GCC2: variants seen among roughly 807,000 people sequenced by gnomAD.
The protein encoded by GCC2 is GRIP and coiled-coil domain-containing protein 2.
In GCC2, 120 loss-of-function variants were observed where a neutral mutation model predicts 210.6. The observed-to-expected ratio is 0.57, with a 90% CI of 0.49 to 0.66. The LOEUF is 0.66. GCC2 is among the 30% of genes least tolerant of loss of function. GCC2 has a pLI of 0.00. For missense variants in GCC2, 1,868 were observed against 1,871.9 expected, an observed-to-expected ratio of 1.00 and a Z score of 0.04; for synonymous variants, 703 against 652.7, an observed-to-expected ratio of 1.08 and a Z score of -1.17.
intron 21 of GCC2, among the ~76,000 whole-genome samples, chr2:108,497,694 A>G (rs1415257707): frequency 1.3e-5 from 2 of 152,130 alleles, no homozygotes; most frequent in Non-Finnish European, 2.9e-5. Flanking sequence ...GACACCAGAA[A>G]CATCTAGGAA....
intron 4 of GCC2, among the ~76,000 whole-genome samples, chr2:108,456,013 C>T (rs1680255377): frequency 6.6e-6 from 1 of 152,052 alleles, no homozygotes; most frequent in Non-Finnish European, 1.5e-5. Context: ...GAGACGGAGT[C>T]TTGCTCTGTC....
At chr2:108,476,056 T>A (rs890570374) in intron 9 of GCC2, among the ~76,000 whole-genome samples, 3 of 71,822 alleles carry the variant, frequency 4.2e-5, no homozygotes. Context: ...GTGGCTTGCT[T>A]TTTTTTTTTT....
intron 9 of GCC2, among the ~76,000 whole-genome samples, chr2:108,479,025 C>T (rs540010429): frequency 9.2e-5 from 14 of 151,988 alleles, no homozygotes; most frequent in Middle Eastern, 3.2e-3. Flanking sequence ...AACCCCATCT[C>T]TACTAAAAAA....
At chr2:108,467,821 A>G (rs2718711) in intron 4 of GCC2, among the ~76,000 whole-genome samples, 34,001 of 152,052 alleles carry the variant, frequency 0.22, 4,211 homozygotes, top group African/African-American at 0.32. Context: ...TATTTTGTCT[A>G]AACGAGTTTG....
intron 22 of GCC2, among the ~76,000 whole-genome samples, chr2:108,503,418 C>A (rs939037919): frequency 3.3e-5 from 5 of 152,154 alleles, no homozygotes; most frequent in Admixed American, 2.0e-4. Context: ...TAATGATGTA[C>A]TTTAAGCAAA....
intron 10 of GCC2, 106 bp downstream of exon 10, chr2:108,481,922 T>TCC (rs374872664): frequency 1.1e-4 from 84 of 781,488 alleles, no homozygotes; most frequent in Middle Eastern, 4.0e-4. Flanking sequence ...CAGAATTTAT[T>TCC]CCCCCCCCAC....
chr2:108,456,678 G>A (rs1680295237), intron 4 of GCC2, among the ~76,000 whole-genome samples: 1 of 152,080 alleles, frequency 6.6e-6, no homozygotes, highest in Non-Finnish European at 1.5e-5. Context: ...TTGCTATGCA[G>A]AAGCTTTTTA....
chr2:108,474,088 G>A (rs953871119), intron 7 of GCC2, among the ~76,000 whole-genome samples: 66 of 152,228 alleles, frequency 4.3e-4, no homozygotes, highest in African/African-American at 1.6e-3. Context: ...AACCCGGGAG[G>A]CAGAGCTTGC....
intron 4 of GCC2, among the ~76,000 whole-genome samples, chr2:108,463,324 CT>C (rs1181515151): frequency 6.6e-6 from 1 of 151,906 alleles, no homozygotes; most frequent in Non-Finnish European, 1.5e-5. Flanking sequence ...ATAATAGTCA[CT>C]TTTTCCAGTT....
Position 108,507,836 on chromosome 2 carries a change from C to T in GCC2, c.*206C>T. 1 of 437,574 alleles carries T rather than the reference C, an allele frequency of 2.3e-6. No homozygotes were observed. The highest frequency in any genetic ancestry group is 4.2e-6 in the Non-Finnish European group (1 of 235,644). The allele number at this position is 437,574 out of a possible 1,614,324, so 27.1% of individuals were successfully genotyped here. A position where few individuals can be genotyped will look rare whatever the true frequency, so the allele number is the denominator to read the frequency against. On this transcript the variant is annotated 3_prime_UTR_variant, in exon 23 of 23. Transcript: ENST00000309863. ...GAAGTGTTGATAGCAGGCCACAGCC[C>T]TCTAACTCATGTGATTTCCCATGCA...
chr2:108,483,238 G>A (rs1478333530), intron 12 of GCC2, 72 bp downstream of exon 12: 1 of 802,394 alleles, frequency 1.2e-6, no homozygotes, highest in African/African-American at 1.7e-5. Flanking sequence ...TGTTTGTTCT[G>A]TTCTCTCTGC....
At chr2:108,456,403 G>A (rs1337317766) in intron 4 of GCC2, among the ~76,000 whole-genome samples, 2 of 152,050 alleles carry the variant, frequency 1.3e-5, no homozygotes, top group Non-Finnish European at 2.9e-5. Flanking sequence ...CTTCTTAATA[G>A]CCATTCCTTA....
At chr2:108,473,970 G>A (rs151330215) in intron 7 of GCC2, among the ~76,000 whole-genome samples, 6 of 151,260 alleles carry the variant, frequency 4.0e-5, no homozygotes, top group Admixed American at 1.3e-4. Context: ...TGGCTAACAC[G>A]GTGAAACCCT....
chr2:108,479,905 G>A (rs946475234), intron 9 of GCC2, among the ~76,000 whole-genome samples: 6 of 147,226 alleles, frequency 4.1e-5, no homozygotes, highest in Non-Finnish European at 8.9e-5. Flanking sequence ...TCATTGGAAC[G>A]CGAGAGGCGA....
At chr2:108,480,064 A>G (rs1235143148) in intron 9 of GCC2, among the ~76,000 whole-genome samples, 2 of 151,574 alleles carry the variant, frequency 1.3e-5, no homozygotes, top group Non-Finnish European at 2.9e-5. Flanking sequence ...CAAGAGGTCC[A>G]GGTCCACAGG....
intron 4 of GCC2, among the ~76,000 whole-genome samples, chr2:108,460,600 A>T (rs751754649): frequency 2.2e-4 from 33 of 152,050 alleles, no homozygotes; most frequent in Admixed American, 1.3e-3. Flanking sequence ...GACTTCTTGA[A>T]CATTTCTTGT....
rs774235989 is a variant in GCC2, at chr2:108,470,450, A to G, written c.1121A>G (p.Asp374Gly). ...GAAATGGATGCTCAACATATAAAGG[A>G]TGAGTTTTTTCATGAACGGGAAGAC... ...KLEMDAQHIK[D>G]EFFHEREDLE... Residue 374 changes from aspartate (D) to glycine (G), a missense_variant, in exon 6 of 23, where the codon GAT becomes GGT. Physicochemically the swap from Asp to Gly is moderately conservative, Grantham distance 94. Around this residue, in one of 3 missense-constraint regions of GCC2, gnomAD observed 1,847 missense variants for 1,765.2 expected, o/e 1.05. Transcript: ENST00000309863. The G allele has an allele frequency of 6.2e-7, 1 of 1,606,928 alleles. No individual in the cohort carries two copies. The highest frequency in any genetic ancestry group is 8.5e-7 in the Non-Finnish European group (1 of 1,174,012).
rs151172719 is a variant in GCC2, at chr2:108,465,928, C to T, written c.217-3052C>T. 4.4e-3 allele frequency among the ~76,000 whole-genome samples: 672 copies of T among 152,254 alleles called. 4 individuals carry two copies. Among genetic ancestry groups the T allele is most frequent in the South Asian group, 0.013 (65 of 4,824 alleles). On this transcript the variant is annotated intron_variant, in intron 4 of 22. Coordinates refer to ENST00000309863, the MANE Select transcript of GCC2 (RefSeq NM_181453.4). ...GGGGTGCAGTGGCACAATCTCGGCT[C>T]ACCGCAACCTCTGCTTCCCAGGTTC...
At chr2:108,477,968 C>T (rs144030812) in intron 9 of GCC2, among the ~76,000 whole-genome samples, 172 of 152,282 alleles carry the variant, frequency 1.1e-3, no homozygotes, top group African/African-American at 3.9e-3. Context: ...ATCACTTGAA[C>T]CTGGAAGGTG....
Sources: allele counts gnomAD v4.1 joint callset (sites outside exome capture counted in the v4.1 genomes callset), GRCh38; gene constraint gnomAD v4.1.1; regional missense constraint gnomAD v4.1.1; transcripts MANE v1.5; gene names NCBI Gene and HGNC (gene_info 2026-07-23, HGNC 2026-07-21).